NEBL: variants seen among roughly 807,000 people sequenced by gnomAD.
NEBL encodes the protein LIM and SH3 protein 2.
NEBL carries 122 observed loss-of-function variants against 140.2 expected under a neutral mutation model. That is an observed-to-expected ratio of 0.87 (90% confidence interval 0.75 to 1.01). The LOEUF (loss-of-function observed/expected upper bound fraction) is 1.01, where lower values mean the gene tolerates loss of function less well. Among genes scored for constraint, NEBL ranks in the 50% least tolerant of loss-of-function variants. NEBL has a pLI of 0.00. For missense variants in NEBL, 1,365 were observed against 1,231.3 expected (o/e 1.11, Z -1.62); for synonymous variants, 436 against 398.9 (o/e 1.09, Z -1.11).
At chr10:20,838,832 A>G (rs978019628) in intron 13 of NEBL, among the ~76,000 whole-genome samples, 1 of 152,216 alleles carries the variant, frequency 6.6e-6, no homozygotes, top group Admixed American at 6.5e-5. Flanking sequence ...GGATCAGATG[A>G]TCATTAGCAC....
At chr10:20,989,244 A>C (rs941935085) in intron 3 of NEBL, among the ~76,000 whole-genome samples, 2 of 152,122 alleles carry the variant, frequency 1.3e-5, no homozygotes, top group African/African-American at 4.8e-5. Flanking sequence ...ATTTCCCCCC[A>C]ACTTACCTAG....
rs1835379784 is a variant in NEBL at position 20,786,046 on chromosome 10, C to A, written c.2869-123G>T. ...GGAATGTTTTCAAACACATGTATCT[C>A]TGGAAATCTGTAAACCTAGCATCTC... On this transcript the variant is annotated intron_variant, in intron 27 of 27. Transcript: ENST00000377122. The A allele has an allele frequency of 5.4e-6, 5 of 919,236 alleles. No individual in the cohort carries two copies. In the Admixed American group the frequency reaches 1.0e-4, roughly 19 times the overall value. 56.9% of individuals were successfully genotyped at this position (919,236 alleles called of 1,614,324 possible).
intron 2 of NEBL, among the ~76,000 whole-genome samples, chr10:21,039,290 A>C (rs1471737205): frequency 6.6e-6 from 1 of 151,986 alleles, no homozygotes; most frequent in African/African-American, 2.4e-5. Flanking sequence ...TTAGTCATGA[A>C]GTCTTTGCCT....
intron 26 of NEBL, among the ~76,000 whole-genome samples, chr10:20,801,308 G>A (rs1018259006): frequency 2.0e-5 from 3 of 151,974 alleles, no homozygotes; most frequent in African/African-American, 4.8e-5. Context: ...CACCTCCTGG[G>A]TTCAAGCGAT....
chr10:20,795,305 A>T (rs1345941832), intron 26 of NEBL, among the ~76,000 whole-genome samples: 1 of 152,174 alleles, frequency 6.6e-6, no homozygotes, highest in Admixed American at 6.5e-5. Context: ...TGTTAGGCTC[A>T]TAGAGGTTAC....
intron 1 of NEBL, among the ~76,000 whole-genome samples, chr10:21,265,654 C>A (rs1215728950): frequency 6.6e-6 from 1 of 152,136 alleles, no homozygotes; most frequent in Admixed American, 6.5e-5. Context: ...CTGTGGGCAC[C>A]TGAAGCTCAG....
intron 2 of NEBL, among the ~76,000 whole-genome samples, chr10:21,149,327 G>C (rs1223081450): frequency 1.0e-5 from 1 of 98,232 alleles, no homozygotes. Context: ...GTCTGTCTCT[G>C]TCACCCAAGC....
At chr10:20,831,057 G>C in intron 16 of NEBL, 139 bp downstream of exon 16, 1 of 711,382 alleles carries the variant, frequency 1.4e-6, no homozygotes. Context: ...ATCAAGTTTG[G>C]CCAATGGTTT....
chr10:20,989,077 T>C (rs543746129), intron 3 of NEBL, among the ~76,000 whole-genome samples: 1 of 152,364 alleles, frequency 6.6e-6, no homozygotes, highest in Admixed American at 6.5e-5. Flanking sequence ...ACTTTAAGAA[T>C]TTTTGCTGCC....
At chr10:21,256,595 C>A (rs1264402649) in intron 1 of NEBL, among the ~76,000 whole-genome samples, 2 of 152,114 alleles carry the variant, frequency 1.3e-5, no homozygotes, top group African/African-American at 2.4e-5. Flanking sequence ...CTTTGGGAGG[C>A]TAGGATGGGA....
chr10:21,156,874 G>GT (rs1840356369), intron 2 of NEBL, among the ~76,000 whole-genome samples: 2 of 152,126 alleles, frequency 1.3e-5, no homozygotes, highest in South Asian at 2.1e-4. Context: ...ACAATCATGA[G>GT]TTTTTCCCCC....
At chr10:21,253,121 G>T (rs11012616) in intron 1 of NEBL, among the ~76,000 whole-genome samples, 1 of 152,154 alleles carries the variant, frequency 6.6e-6, no homozygotes, top group Non-Finnish European at 1.5e-5. Context: ...AATTAGCTGG[G>T]CATGATGGCA....
At chr10:21,112,993 A>C (rs2132023971) in intron 2 of NEBL, 1 of 288,320 alleles carries the variant, frequency 3.5e-6, no homozygotes, top group Non-Finnish European at 6.5e-6. Context: ...TTTCCACAGA[A>C]AAAAAGTAAA....
intron 3 of NEBL, among the ~76,000 whole-genome samples, chr10:21,014,225 G>A (rs887727212): frequency 2.6e-5 from 4 of 152,064 alleles, no homozygotes; most frequent in Non-Finnish European, 5.9e-5. Flanking sequence ...CTGGGCTCAA[G>A]TGATCCTTGC....
intron 26 of NEBL, among the ~76,000 whole-genome samples, chr10:20,795,006 G>A (rs1836370782): frequency 6.6e-6 from 1 of 152,152 alleles, no homozygotes; most frequent in African/African-American, 2.4e-5. Flanking sequence ...AGAATTTAAT[G>A]CCAAAAATCT....
At chr10:21,029,633 C>T (rs1564486095) in intron 2 of NEBL, 4 of 1,410,112 alleles carry the variant, frequency 2.8e-6, no homozygotes, top group South Asian at 1.2e-5. Flanking sequence ...GATGACTACC[C>T]GCCTAGAAGG....
chr10:20,926,457 G>T (rs1351261344), intron 4 of NEBL, among the ~76,000 whole-genome samples: 2 of 152,022 alleles, frequency 1.3e-5, no homozygotes, highest in African/African-American at 2.4e-5. Context: ...AAACATTTTG[G>T]CTTATAAACC....
intron 3 of NEBL, among the ~76,000 whole-genome samples, chr10:20,965,017 T>C (rs1025265067): frequency 1.2e-4 from 19 of 152,262 alleles, no homozygotes; most frequent in Non-Finnish European, 1.6e-4. Flanking sequence ...TTGACTTCTA[T>C]GCCCTGATTC....
chr10:21,271,311 T>C (rs1842857427), intron 1 of NEBL, among the ~76,000 whole-genome samples: 1 of 152,102 alleles, frequency 6.6e-6, no homozygotes, highest in Non-Finnish European at 1.5e-5. Context: ...AAACTTCGAC[T>C]CCTAAACAGG....
Sources: allele counts gnomAD v4.1 joint callset (sites outside exome capture counted in the v4.1 genomes callset), GRCh38; gene constraint gnomAD v4.1.1; transcripts MANE v1.5; gene names NCBI Gene and HGNC (gene_info 2026-07-23, HGNC 2026-07-21).